Variants in DEFB126 observed in about 807,000 individuals in gnomAD.
The protein encoded by DEFB126 is beta-defensin 126.
Under a neutral mutation model 2.5 loss-of-function variants are expected in DEFB126, and 2 were observed. The ratio of observed to expected loss-of-function variants is 0.79; its 90% confidence interval spans 0.32 to 2.49. The LOEUF (loss-of-function observed/expected upper bound fraction) is 2.49. DEFB126 is among the 30% of genes most tolerant of loss of function. The probability of loss-of-function intolerance (pLI) is 0.11; values close to 1 mark genes in which losing one functional copy is unlikely to be tolerated. For missense variants in DEFB126, 136 were observed against 135.4 expected, an observed-to-expected ratio of 1.00 and a Z score of -0.02; for synonymous variants, 51 against 45.4, an observed-to-expected ratio of 1.12 and a Z score of -0.50.
chr20:144,830 ATTT>A (rs2054660996), intron 1 of DEFB126, among the ~76,000 whole-genome samples: 4 of 152,062 alleles, frequency 2.6e-5, no homozygotes, highest in Admixed American at 2.6e-4. Context: ...ATAGATGAAA[ATTT>A]TTTATTTATC....
At chr20:143,570 G>A (rs6038524) in intron 1 of DEFB126, among the ~76,000 whole-genome samples, 31 of 152,178 alleles carry the variant, frequency 2.0e-4, no homozygotes, top group African/African-American at 7.0e-4. Context: ...TAATGTGTGA[G>A]TACTGTAAAT....
At chr20:142,796 G>A in intron 1 of DEFB126, 110 bp downstream of exon 1, 3 of 1,152,076 alleles carry the variant, frequency 2.6e-6, no homozygotes, top group Admixed American at 1.7e-5. Flanking sequence ...CTCACTGGGA[G>A]CAGGGCTGAG....
chr20:142,886 C>G (rs775652085), intron 1 of DEFB126, among the ~76,000 whole-genome samples, 200 bp downstream of exon 1: 2 of 152,106 alleles, frequency 1.3e-5, no homozygotes, highest in African/African-American at 2.4e-5. Context: ...GTGATCGGAG[C>G]TGGGGAGGAG....
At chr20:143,826 C>T (rs2054657329) in intron 1 of DEFB126, among the ~76,000 whole-genome samples, 1 of 152,062 alleles carries the variant, frequency 6.6e-6, no homozygotes, top group Non-Finnish European at 1.5e-5. Flanking sequence ...TTTTCATTTT[C>T]ATGTCAAATC....
intron 1 of DEFB126, among the ~76,000 whole-genome samples, chr20:144,813 TA>T (rs2054660869): frequency 6.6e-6 from 1 of 152,166 alleles, no homozygotes; most frequent in Non-Finnish European, 1.5e-5. Context: ...CATATAGGTA[TA>T]TAGGTATAGA....
intron 1 of DEFB126, among the ~76,000 whole-genome samples, chr20:143,509 C>G (rs369879348): frequency 1.5e-4 from 23 of 152,044 alleles, no homozygotes; most frequent in African/African-American, 5.3e-4. Context: ...ATTTTTGTAC[C>G]AATATTAACT....
intron 1 of DEFB126, among the ~76,000 whole-genome samples, chr20:142,924 C>G (rs1461226530): frequency 6.6e-6 from 1 of 152,130 alleles, no homozygotes. Context: ...ACAGTTGCCT[C>G]CAAAGGTAGA....
intron 1 of DEFB126, among the ~76,000 whole-genome samples, chr20:144,208 C>T (rs1359881736): frequency 5.3e-5 from 8 of 152,182 alleles, no homozygotes; most frequent in African/African-American, 1.9e-4. Context: ...TAGTGACATA[C>T]ATCGACATAC....
At chr20:144,534 C>T (rs924111759) in intron 1 of DEFB126, among the ~76,000 whole-genome samples, 3 of 151,940 alleles carry the variant, frequency 2.0e-5, no homozygotes, top group African/African-American at 7.2e-5. Context: ...TGTTTTATTC[C>T]CTGCATCTTG....
rs1424168663 is a variant in DEFB126, at chr20:145,704, T to G, written c.*12T>G. On this transcript the variant is annotated 3_prime_UTR_variant, in exon 2 of 2. Coordinates refer to ENST00000382398, the MANE Select transcript of DEFB126 (RefSeq NM_030931.4). ...CTCCCACTGGTTGAACATTCCAGCC[T>G]CTGTCTCCTGCTCTAGGATCCCCGA... 1 of 1,605,624 alleles carries G rather than the reference T, an allele frequency of 6.2e-7. No homozygotes were observed. The highest frequency in any genetic ancestry group is 8.5e-7 in the Non-Finnish European group (1 of 1,177,794).
Position 145,440 on chromosome 20 carries a change from A to C in DEFB126, c.84A>C (p.Leu28=). The C allele has an allele frequency of 1.2e-6, 2 of 1,613,906 alleles. No homozygotes were observed. The highest frequency in any genetic ancestry group is 1.1e-5 in the South Asian group (1 of 91,066). ...GTAATTGGTATGTGAAAAAGTGTCT[A>C]AACGACGTTGGAATTTGCAAGAAGA... is the stretch of plus-strand genomic sequence containing the variant. ...VSGNWYVKKC[L]NDVGICKKKC... Residue 28 remains leucine, a synonymous_variant, in exon 2 of 2, where the codon CTA becomes CTC. Coordinates refer to ENST00000382398, the MANE Select transcript of DEFB126 (RefSeq NM_030931.4).
intron 1 of DEFB126, among the ~76,000 whole-genome samples, chr20:144,035 T>C (rs546804204): frequency 6.6e-6 from 1 of 152,202 alleles, no homozygotes; most frequent in South Asian, 2.1e-4. Flanking sequence ...CCTCTAGAGA[T>C]AGTAGTTTAT....
In DEFB126 at chr20:145,469, GC is replaced by G. The variant is rs1337188002; in HGVS notation, c.114del (p.Cys38Ter). 2 of 1,613,956 alleles carry G rather than the reference GC, an allele frequency of 1.2e-6. No homozygotes were observed. Among genetic ancestry groups the G allele is most frequent in the Admixed American group, 3.3e-5 (2 of 59,992 alleles). ...GACGTTGGAATTTGCAAGAAGAAGT[GC>G]AAACCTGAAGAGATGCATGTAAAGA... is the stretch of plus-strand genomic sequence containing the variant. ...LNDVGICKKK[C>X]KPEEMHVKNG... On this transcript the variant is annotated frameshift_variant, in exon 2 of 2. Transcript: ENST00000382398. LOFTEE classifies it low-confidence loss of function (END_TRUNC).
Position 142,698 on chromosome 20 carries a change from C to T in DEFB126, c.58+12C>T. ...CCAATTGGTCTCAGGTAAACAGAAT[C>T]TTGGGGAAGAAGAAACACTGGCCTG... On this transcript the variant is annotated intron_variant, in intron 1 of 1. Transcript: ENST00000382398. 6.2e-7 allele frequency: 1 copy of T among 1,613,446 alleles called. No individual in the cohort carries two copies. The highest frequency in any genetic ancestry group is 1.1e-5 in the South Asian group (1 of 91,066).
intron 1 of DEFB126, 31 bp downstream of exon 1, chr20:142,717 T>C (rs373960835): frequency 2.5e-6 from 4 of 1,610,512 alleles, no homozygotes; most frequent in Middle Eastern, 1.7e-4. Context: ...GAAGAAACAC[T>C]GGCCTGGAAC....
At chr20:144,797 C>T (rs2054660796) in intron 1 of DEFB126, among the ~76,000 whole-genome samples, 1 of 151,976 alleles carries the variant, frequency 6.6e-6, no homozygotes, top group Middle Eastern at 3.2e-3. Context: ...ACTTATATCT[C>T]AATATCATAT....
Position 145,691 on chromosome 20 carries a change from G to C in DEFB126, c.335G>C (p.Ter112SerextTer15). 6.2e-7 allele frequency: 1 copy of C among 1,609,414 alleles called. No individual in the cohort carries two copies. Among genetic ancestry groups the C allele is most frequent in the African/African-American group, 1.3e-5 (1 of 74,994 alleles). The change falls in exon 2 of 2, where the codon TGA becomes TCA. Residue 112 changes from the stop codon to serine (S), a stop_lost. Coordinates refer to ENST00000382398, the MANE Select transcript of DEFB126 (RefSeq NM_030931.4). ...MAPTPVSPTG[*>S] is the part of the protein sequence containing the mutation. ...CCTACCCCCGTTTCTCCCACTGGTT[G>C]AACATTCCAGCCTCTGTCTCCTGCT...
At position 145,702 on chromosome 20, in the gene DEFB126, C is replaced by T. The variant is rs777669985; in HGVS notation, c.*10C>T. ...TTCTCCCACTGGTTGAACATTCCAG[C>T]CTCTGTCTCCTGCTCTAGGATCCCC... On this transcript the variant is annotated 3_prime_UTR_variant, in exon 2 of 2. Coordinates refer to ENST00000382398, the MANE Select transcript of DEFB126 (RefSeq NM_030931.4). 1 of 1,605,902 alleles carries T rather than the reference C, an allele frequency of 6.2e-7. No individual in the cohort carries two copies. Among genetic ancestry groups the T allele is most frequent in the Admixed American group, 1.7e-5 (1 of 59,934 alleles).
At position 145,520 on chromosome 20, in the gene DEFB126, AAAG is replaced by A; in HGVS notation, c.165_167del (p.Arg56del). 1.2e-6 allele frequency: 2 copies of A among 1,603,098 alleles called. No individual in the cohort carries two copies. Among genetic ancestry groups the A allele is most frequent in the South Asian group, 1.1e-5 (1 of 90,578 alleles). ...AATGGTTGGGCAATGTGCGGCAAAC[AAAG>A]GGACTGCTGTGTTCCAGCTGACAGA... On this transcript the variant is annotated inframe_deletion, in exon 2 of 2. Coordinates refer to ENST00000382398, the MANE Select transcript of DEFB126 (RefSeq NM_030931.4).
Sources: allele counts gnomAD v4.1 joint callset (sites outside exome capture counted in the v4.1 genomes callset), GRCh38; gene constraint gnomAD v4.1.1; transcripts MANE v1.5; gene names NCBI Gene and HGNC (gene_info 2026-07-23, HGNC 2026-07-21).